CDHR3: variants seen among roughly 807,000 people sequenced by gnomAD.
CDHR3 encodes cadherin related family member 3, also known as cadherin-related family member 3.
A neutral mutation model predicts 86.6 loss-of-function variants in CDHR3; 79 were observed. The observed-to-expected ratio is 0.91, with a 90% CI of 0.76 to 1.10. The LOEUF is 1.10. Ranked by LOEUF, CDHR3 falls within the 50% of genes least tolerant of loss-of-function variation. The pLI, the probability that CDHR3 is intolerant of heterozygous loss-of-function variation, is 0.00. For missense variants in CDHR3, 1,081 were observed against 1,077.6 expected, an observed-to-expected ratio of 1.00 and a Z score of -0.04; for synonymous variants, 421 against 402.4, an observed-to-expected ratio of 1.05 and a Z score of -0.55.
At chr7:105,987,436 A>G (rs1280632446) in intron 4 of CDHR3, among the ~76,000 whole-genome samples, 3 of 152,234 alleles carry the variant, frequency 2.0e-5, no homozygotes, top group Non-Finnish European at 4.4e-5. Context: ...AGGTAATAAC[A>G]GTTTAGGACA....
intron 4 of CDHR3, among the ~76,000 whole-genome samples, chr7:105,988,072 A>G (rs1256458545): frequency 1.3e-5 from 2 of 151,956 alleles, no homozygotes; most frequent in Non-Finnish European, 2.9e-5. Context: ...TGTATTTTTT[A>G]TAGATAGGGT....
chr7:106,029,380 C>A (rs1250361199), intron 17 of CDHR3, among the ~76,000 whole-genome samples: 1 of 152,218 alleles, frequency 6.6e-6, no homozygotes, highest in African/African-American at 2.4e-5. Context: ...GCCTTATCAC[C>A]TCGGGGACTT....
chr7:106,023,793 C>G (rs922009170), intron 14 of CDHR3, among the ~76,000 whole-genome samples: 1 of 152,226 alleles, frequency 6.6e-6, no homozygotes, highest in African/African-American at 2.4e-5. Context: ...CTGGTAGGCT[C>G]TCCTGAGTGA....
intron 2 of CDHR3, among the ~76,000 whole-genome samples, chr7:105,980,332 C>T (rs901314745): frequency 2.6e-5 from 4 of 152,072 alleles, no homozygotes; most frequent in Admixed American, 6.5e-5. Flanking sequence ...AGCAACCTTA[C>T]GCGTAATATA....
In CDHR3 at chr7:106,001,562, C is replaced by T. The variant is rs1197975871; in HGVS notation, c.814C>T (p.Leu272Phe). 1 of 1,614,020 alleles carries T rather than the reference C, an allele frequency of 6.2e-7. No individual in the cohort carries two copies. The highest frequency in any genetic ancestry group is 1.7e-5 in the Admixed American group (1 of 60,028). ...TGATGATGAAGGTTTTCCCAGCCAC[C>T]TCCTCTACAGCATTACCACTGTTAG... ...DPDDEGFPSH[L>F]LYSITTVSKY... Residue 272 changes from leucine (L) to phenylalanine (F), a missense_variant, in exon 7 of 19, where the codon CTC (leucine) becomes TTC (phenylalanine). Transcript: ENST00000317716.
intron 3 of CDHR3, among the ~76,000 whole-genome samples, chr7:105,983,610 G>A (rs896800134): frequency 3.9e-5 from 6 of 152,008 alleles, no homozygotes; most frequent in African/African-American, 7.3e-5. Flanking sequence ...TGCTGGTACC[G>A]CCTGCTCCTC....
At chr7:105,976,468 G>A (rs1404760803) in intron 2 of CDHR3, among the ~76,000 whole-genome samples, 1 of 152,146 alleles carries the variant, frequency 6.6e-6, no homozygotes, top group Non-Finnish European at 1.5e-5. Context: ...ATAATTCACA[G>A]AGCATATACT....
intron 4 of CDHR3, among the ~76,000 whole-genome samples, chr7:105,992,409 G>T (rs1323323241): frequency 6.6e-6 from 1 of 152,234 alleles, no homozygotes; most frequent in Non-Finnish European, 1.5e-5. Context: ...TGCTCTGTGT[G>T]TGGGCAACTT....
At chr7:105,967,363 C>T (rs1428612477) in intron 1 of CDHR3, among the ~76,000 whole-genome samples, 2 of 152,182 alleles carry the variant, frequency 1.3e-5, no homozygotes, top group African/African-American at 2.4e-5. Context: ...CATTGATGGA[C>T]ATTTGGGTTG....
chr7:106,026,395 G>C (rs557030445), intron 15 of CDHR3, among the ~76,000 whole-genome samples: 1 of 152,176 alleles, frequency 6.6e-6, no homozygotes. Context: ...GTCCTCACCA[G>C]GTTTTCTCAT....
chr7:106,020,549 A>AGTACTTG lies in CDHR3; in HGVS notation c.1825+8_1825+14dup. On this transcript the variant is annotated splice_donor_region_variant and intron_variant, in intron 13 of 18. Transcript: ENST00000317716. ...TCCGTTATTCCATTGGCCCAGGTAT[A>AGTACTTG]GTACTTGGTGTCGACAATCCTGGCC... is the stretch of plus-strand genomic sequence containing the variant. 1 of 1,610,966 alleles carries AGTACTTG rather than the reference A, an allele frequency of 6.2e-7. No homozygotes were observed. The highest frequency in any genetic ancestry group is 8.5e-7 in the Non-Finnish European group (1 of 1,177,720).
At chr7:105,996,407 G>T (rs765300014) in intron 6 of CDHR3, 53 bp downstream of exon 6, 1 of 1,025,878 alleles carries the variant, frequency 9.7e-7, no homozygotes, top group Non-Finnish European at 1.5e-6. Flanking sequence ...TCCTTCTTAG[G>T]CGGCCTCGTC....
chr7:106,018,149 G>T, intron 12 of CDHR3, 77 bp downstream of exon 12: 1 of 1,193,324 alleles, frequency 8.4e-7, no homozygotes, highest in East Asian at 2.4e-5. Flanking sequence ...CCAGAGTGTG[G>T]ATGTGGCAAT....
intron 6 of CDHR3, among the ~76,000 whole-genome samples, chr7:105,999,677 G>C (rs1383970605): frequency 6.6e-6 from 1 of 152,218 alleles, no homozygotes; most frequent in African/African-American, 2.4e-5. Flanking sequence ...TGTCCCGTGG[G>C]GAGGCTGGGA....
chr7:105,969,634 T>C (rs951107265), intron 1 of CDHR3, among the ~76,000 whole-genome samples: 2 of 152,150 alleles, frequency 1.3e-5, no homozygotes, highest in African/African-American at 2.4e-5. Context: ...TCCAAGATAT[T>C]TGTGCATACA....
chr7:105,976,918 T>C (rs1828904174), intron 2 of CDHR3, among the ~76,000 whole-genome samples: 2 of 152,104 alleles, frequency 1.3e-5, no homozygotes, highest in Admixed American at 1.3e-4. Context: ...CATTTAGTGA[T>C]GAAGATGATC....
chr7:106,031,861 A>G (rs554603764), intron 18 of CDHR3, among the ~76,000 whole-genome samples: 2 of 152,132 alleles, frequency 1.3e-5, no homozygotes, highest in South Asian at 2.1e-4. Context: ...GCTCGGACAC[A>G]ATAAAAATGG....
At chr7:105,978,964 A>G (rs1233749370) in intron 2 of CDHR3, among the ~76,000 whole-genome samples, 1 of 152,144 alleles carries the variant, frequency 6.6e-6, no homozygotes, top group Non-Finnish European at 1.5e-5. Context: ...GCCAGGGTGT[A>G]AATCATGAGA....
intron 8 of CDHR3, among the ~76,000 whole-genome samples, chr7:106,009,220 A>G (rs1400474878): frequency 2.0e-5 from 3 of 152,006 alleles, no homozygotes; most frequent in Admixed American, 1.3e-4. Context: ...AGCGGGAGGA[A>G]CTCTCAGCCA....
Sources: allele counts gnomAD v4.1 joint callset (sites outside exome capture counted in the v4.1 genomes callset), GRCh38; gene constraint gnomAD v4.1.1; transcripts MANE v1.5; gene names NCBI Gene and HGNC (gene_info 2026-07-23, HGNC 2026-07-21).